The following NUP58 variants were observed in gnomAD, a reference collection of about 807,000 sequenced individuals.
The protein encoded by NUP58 is nucleoporin p58/p45.
Under a neutral mutation model 70.1 loss-of-function variants are expected in NUP58, and 17 were observed. The ratio of observed to expected loss-of-function variants is 0.24; its 90% CI spans 0.17 to 0.36. NUP58 has a LOEUF of 0.36. NUP58 is among the 10% of genes least tolerant of loss of function. NUP58 has a pLI of 1.00. For synonymous variants in NUP58, 275 were observed against 257.6 expected (o/e 1.07, Z -0.65); for missense variants, 644 against 701.5 (o/e 0.92, Z 0.93).
Position 25,320,981 on chromosome 13 carries a change from T to C in NUP58, c.839T>C (p.Met280Thr). ...ATTAGTAGAATGTCTTCAAAAGCAA[T>C]GCTTAAGGTACAAGAAGATATTAAA... ...EEISRMSSKA[M>T]LKVQEDIKAL... The change falls in exon 9 of 16, where the codon ATG (methionine) becomes ACG (threonine). Residue 280 changes from methionine (M) to threonine (T), a missense_variant. Physicochemically the swap from Met to Thr is moderately conservative, Grantham distance 81 (BLOSUM62 -1). Around this residue, in one of 4 missense-constraint regions of NUP58, gnomAD observed 430 missense variants for 409.2 expected, o/e 1.05. Transcript: ENST00000381736. 1 of 1,593,080 alleles carries C rather than the reference T, an allele frequency of 6.3e-7. No homozygotes were observed. Among genetic ancestry groups the C allele is most frequent in the Non-Finnish European group, 8.5e-7 (1 of 1,174,084 alleles).
intron 13 of NUP58, chr13:25,335,025 A>G: frequency 1.0e-6 from 1 of 985,268 alleles, no homozygotes; most frequent in Non-Finnish European, 1.2e-6. Context: ...AAACTAATAT[A>G]TATGGTGGCC....
chr13:25,327,835 T>A (rs765180506), intron 12 of NUP58, among the ~76,000 whole-genome samples: 4 of 152,204 alleles, frequency 2.6e-5, no homozygotes, highest in Non-Finnish European at 5.9e-5. Flanking sequence ...GGTTGTACAT[T>A]GTTTAACCCA....
Position 25,320,548 on chromosome 13 carries a change from G to A in NUP58, c.729G>A (p.Lys243=). The A allele has an allele frequency of 6.2e-7, 1 of 1,610,560 alleles. No homozygotes were observed. Among genetic ancestry groups the A allele is most frequent in the South Asian group, 1.1e-5 (1 of 90,908 alleles). Residue 243 remains lysine (K), a synonymous_variant, in exon 8 of 16, where the codon AAG becomes AAA. Transcript: ENST00000381736. The stretch of plus-strand genomic sequence containing the variant: ...TTCTTAGGGATAGTAAAGCTCTGAA[G>A]GATGAAAATCTACCTCCTGTCATCT... ...GTRPEDSKAL[K]DENLPPVICQ... is the part of the protein sequence containing the mutation.
At position 25,301,751 on chromosome 13, in the gene NUP58, A is replaced by G. The variant is rs1335778824; in HGVS notation, c.-23A>G. ...GTCCCAGACCCATTTCGCCTTGCTG[A>G]CGGCGTCGAGCCCTGGCCAGACATG... On this transcript the variant is annotated 5_prime_UTR_variant, in exon 1 of 16. Coordinates refer to ENST00000381736, the MANE Select transcript of NUP58 (RefSeq NM_014089.4). 6.6e-7 allele frequency: 1 copy of G among 1,525,912 alleles called. No homozygotes were observed. The highest frequency in any genetic ancestry group is 9.0e-7 in the Non-Finnish European group (1 of 1,113,640). 94.5% of individuals were successfully genotyped at this position (1,525,912 alleles called of 1,614,324 possible). A position where few individuals can be genotyped will look rare whatever the true frequency, so the allele number is the denominator to read the frequency against.
chr13:25,332,059 T>G, intron 13 of NUP58: 1 of 1,004,598 alleles, frequency 1.0e-6, no homozygotes, highest in Non-Finnish European at 1.2e-6. Context: ...TCAATAGGCT[T>G]GTTTGTATGT....
chr13:25,336,121 A>G, intron 13 of NUP58: 2 of 1,292,884 alleles, frequency 1.5e-6, no homozygotes, highest in South Asian at 2.7e-5. Flanking sequence ...AAAACGTTGG[A>G]AAGAAACTTC....
chr13:25,337,734 T>TA lies in NUP58; in HGVS notation c.1534+701dup, dbSNP rs2031834014. Among the ~76,000 whole-genome samples the TA allele has an allele frequency of 7.9e-5, 12 of 152,288 alleles. 1 individual carries two copies. The South Asian group carries it at 2.5e-3, about 32-fold the overall frequency. On this transcript the variant is annotated intron_variant, in intron 14 of 15. Transcript: ENST00000381736. ...ATAAGACGGGAGACCTATAAGCTAT[T>TA]ACGGTTGTTTAATATAGACTCTGTT...
chr13:25,327,887 T>C (rs2031456992), intron 12 of NUP58, among the ~76,000 whole-genome samples: 1 of 152,106 alleles, frequency 6.6e-6, no homozygotes, highest in African/African-American at 2.4e-5. Context: ...TCTTTACTAC[T>C]ATAAATAGCA....
intron 15 of NUP58, 69 bp from the exon 16 acceptor site, chr13:25,339,896 C>T (rs1038121528): frequency 1.4e-5 from 18 of 1,322,072 alleles, no homozygotes; most frequent in South Asian, 3.0e-5. Context: ...ATTTACTGCT[C>T]CTCCCTGTTT....
chr13:25,324,181 G>A (rs952867998), intron 9 of NUP58, among the ~76,000 whole-genome samples: 5 of 152,114 alleles, frequency 3.3e-5, no homozygotes, highest in African/African-American at 4.8e-5. Context: ...AGCCTGAGTT[G>A]AGTGAAAAGG....
chr13:25,313,594 TA>T lies in NUP58; in HGVS notation c.437-19del. 6.8e-7 allele frequency: 1 copy of T among 1,470,238 alleles called. No homozygotes were observed. Among genetic ancestry groups the T allele is most frequent in the Non-Finnish European group, 9.0e-7 (1 of 1,117,188 alleles). The allele number at this position is 1,470,238 out of a possible 1,614,324, so 91.1% of individuals were successfully genotyped here. ...TTAAATAAGTTGCCTTTTGAAAGCT[TA>T]CTATCTCTCTTTTTATAGCATCCAC... On this transcript the variant is annotated intron_variant, in intron 4 of 15. Transcript: ENST00000381736.
At chr13:25,339,849 T>C (rs1172711973) in intron 15 of NUP58, 116 bp from the exon 16 acceptor site, 1 of 879,024 alleles carries the variant, frequency 1.1e-6, no homozygotes, top group Admixed American at 2.7e-5. Context: ...TTAATATATT[T>C]GCTATTCTTA....
intron 6 of NUP58, among the ~76,000 whole-genome samples, chr13:25,317,388 A>G (rs1193027918): frequency 6.6e-6 from 1 of 152,186 alleles, no homozygotes; most frequent in African/African-American, 2.4e-5. Flanking sequence ...CATATGGAAA[A>G]TAGCATTCAG....
chr13:25,338,195 GAGC>G (rs907594593), intron 14 of NUP58, among the ~76,000 whole-genome samples: 3 of 152,126 alleles, frequency 2.0e-5, no homozygotes, highest in African/African-American at 7.2e-5. Context: ...TTTTGGGAAA[GAGC>G]AGAGTAAAAT....
intron 1 of NUP58, among the ~76,000 whole-genome samples, chr13:25,305,939 G>A (rs774484853): frequency 4.6e-4 from 70 of 152,124 alleles, no homozygotes; most frequent in Admixed American, 6.5e-4. Context: ...TATCCCCCTG[G>A]TAAACGGCAT....
intron 13 of NUP58, chr13:25,336,177 G>T (rs1029402839): frequency 2.2e-6 from 3 of 1,363,910 alleles, no homozygotes; most frequent in African/African-American, 1.5e-5. Flanking sequence ...GTACACAGCG[G>T]TGCCTTTGTA....
chr13:25,307,494 A>G (rs1007140661), intron 1 of NUP58, among the ~76,000 whole-genome samples: 1 of 152,050 alleles, frequency 6.6e-6, no homozygotes, highest in South Asian at 2.1e-4. Flanking sequence ...AATTACAGGC[A>G]TGAGCCACCA....
At chr13:25,311,040 A>G (rs2030640092) in intron 3 of NUP58, among the ~76,000 whole-genome samples, 1 of 152,198 alleles carries the variant, frequency 6.6e-6, no homozygotes, top group Admixed American at 6.5e-5. Context: ...TAAATGTCCT[A>G]AAAGATGTAG....
chr13:25,330,142 A>G (rs768781155), intron 12 of NUP58, among the ~76,000 whole-genome samples: 37 of 152,092 alleles, frequency 2.4e-4, no homozygotes, highest in Non-Finnish European at 3.8e-4. Context: ...TCTTTTAACT[A>G]ATGGTCTTGG....
Sources: gnomAD v4.1 joint callset for allele counts (sites outside exome capture counted in the v4.1 genomes callset) on GRCh38, gnomAD v4.1.1 for gene constraint, gnomAD v4.1.1 regional missense constraint, MANE v1.5 for transcripts, NCBI Gene and HGNC (gene_info 2026-07-23, HGNC 2026-07-21) for gene names.